GLIS3: variants seen among roughly 807,000 people sequenced by gnomAD.
GLIS3 encodes the protein GLIS family zinc finger 3.
Under a neutral mutation model 78.6 loss-of-function variants are expected in GLIS3, and 53 were observed. The ratio of observed to expected loss-of-function variants is 0.67; its 90% CI spans 0.54 to 0.85. The LOEUF (loss-of-function observed/expected upper bound fraction) is 0.85, where lower values mean the gene tolerates loss of function less well. Among genes scored for constraint, GLIS3 ranks in the 40% least tolerant of loss-of-function variants. The pLI is 0.00. For missense variants in GLIS3, 1,703 were observed against 1,231.1 expected, an observed-to-expected ratio of 1.38 and a Z score of -5.74; for synonymous variants, 684 against 509.9, an observed-to-expected ratio of 1.34 and a Z score of -4.60.
intron 7 of GLIS3, among the ~76,000 whole-genome samples, chr9:3,883,826 T>G (rs1163476390): frequency 2.0e-5 from 3 of 152,248 alleles, no homozygotes; most frequent in Admixed American, 6.5e-5. Context: ...TTGGAAATTC[T>G]TATTGCTTTT....
chr9:4,270,929 GTGTGTA>G (rs141098706), intron 2 of GLIS3, among the ~76,000 whole-genome samples: 14,238 of 92,630 alleles, frequency 0.15, 848 homozygotes, highest in South Asian at 0.36. Context: ...GTGTGTGTGT[GTGTGTA>G]TACACAACTG....
intron 2 of GLIS3, among the ~76,000 whole-genome samples, chr9:4,149,291 A>G (rs1834483527): frequency 6.6e-6 from 1 of 152,190 alleles, no homozygotes; most frequent in Admixed American, 6.5e-5. Context: ...TTACCATCCC[A>G]TTTCACAGGG....
chr9:3,927,280 G>A (rs900661334), intron 6 of GLIS3, among the ~76,000 whole-genome samples: 3 of 152,184 alleles, frequency 2.0e-5, no homozygotes, highest in Admixed American at 2.0e-4. Context: ...CAATGTAGTA[G>A]AAGAGTAGTT....
intron 7 of GLIS3, among the ~76,000 whole-genome samples, chr9:3,889,958 T>C (rs1360075310): frequency 1.3e-5 from 2 of 152,142 alleles, no homozygotes; most frequent in Admixed American, 6.6e-5. Context: ...GTTTTTGAAA[T>C]ATGAAAACTA....
chr9:4,102,469 T>C (rs535241153), intron 4 of GLIS3, among the ~76,000 whole-genome samples: 1 of 152,314 alleles, frequency 6.6e-6, no homozygotes, highest in East Asian at 1.9e-4. Context: ...AGGGGCAGTT[T>C]TTCTCCACAG....
intron 4 of GLIS3, chr9:3,975,295 G>A (rs988877751): frequency 6.6e-6 from 1 of 152,100 alleles, no homozygotes; most frequent in African/African-American, 2.4e-5. Context: ...CTCCCAGGGG[G>A]GCACAGGAAT....
intron 4 of GLIS3, among the ~76,000 whole-genome samples, chr9:4,306,950 A>T (rs2130510554): frequency 6.6e-6 from 1 of 152,388 alleles, no homozygotes; most frequent in Admixed American, 6.5e-5. Flanking sequence ...AGATTGCGTA[A>T]GTCAGAAATG....
chr9:3,898,855 G>T lies in GLIS3; in HGVS notation c.1984-20C>A. 3 of 1,613,746 alleles carry T rather than the reference G, an allele frequency of 1.9e-6. No individual in the cohort carries two copies. The highest frequency in any genetic ancestry group is 2.5e-6 in the Non-Finnish European group (3 of 1,180,026). Reference sequence around the variant, plus strand: ...CCGCAACTAAGAGGACAAAACGGAAGAGACATCGATAAGGAGAGCCGGTCC... The same window carrying T: ...CCGCAACTAAGAGGACAAAACGGAATAGACATCGATAAGGAGAGCCGGTCC... On this transcript the variant is annotated intron_variant, in intron 6 of 10. Coordinates refer to ENST00000381971, the MANE Select transcript of GLIS3 (RefSeq NM_001042413.2).
chr9:4,087,775 C>A (rs1112485), intron 4 of GLIS3, among the ~76,000 whole-genome samples: 41,155 of 151,992 alleles, frequency 0.27, 6,621 homozygotes, highest in Non-Finnish European at 0.35. Flanking sequence ...GGGTAAGGTA[C>A]CAATCCTGCT....
the GLIS3 span, among the ~76,000 whole-genome samples, chr9:4,467,980 T>G: frequency 6.6e-6 from 1 of 152,168 alleles, no homozygotes; most frequent in Non-Finnish European, 1.5e-5. Context: ...GCATGAGAAC[T>G]ACGTGACACA....
intron 4 of GLIS3, among the ~76,000 whole-genome samples, chr9:3,955,066 GA>G (rs1817005220): frequency 6.6e-6 from 1 of 152,220 alleles, no homozygotes; most frequent in African/African-American, 2.4e-5. Flanking sequence ...GGGACAAGGG[GA>G]CAGGCTGGGG....
chr9:3,846,523 G>T (rs115904080), intron 9 of GLIS3, among the ~76,000 whole-genome samples: 466 of 152,272 alleles, frequency 3.1e-3, no homozygotes, highest in African/African-American at 0.011. Flanking sequence ...TCTGAAACAG[G>T]GGTGTCAGTA....
At chr9:4,386,033 T>G in the GLIS3 span, among the ~76,000 whole-genome samples, 5 of 152,236 alleles carry the variant, frequency 3.3e-5, no homozygotes, top group Non-Finnish European at 5.9e-5. Flanking sequence ...TCATCACTCA[T>G]GGCCAACCAG....
the GLIS3 span, among the ~76,000 whole-genome samples, chr9:4,485,997 C>G: frequency 1.3e-5 from 2 of 152,342 alleles, no homozygotes; most frequent in African/African-American, 4.8e-5. Context: ...GGTGGGATTA[C>G]AGGCGTGAGC....
At chr9:3,891,629 G>T (rs1019724381) in intron 7 of GLIS3, among the ~76,000 whole-genome samples, 1 of 152,148 alleles carries the variant, frequency 6.6e-6, no homozygotes, top group Admixed American at 6.5e-5. Flanking sequence ...TTGAGCCCAG[G>T]GGTTCAAGGT....
chr9:3,956,290 T>C (rs1817107889), intron 4 of GLIS3, among the ~76,000 whole-genome samples: 1 of 152,094 alleles, frequency 6.6e-6, no homozygotes, highest in African/African-American at 2.4e-5. Context: ...AAAAATAAGC[T>C]AGGGGAACAA....
chr9:4,096,644 A>C (rs982929254), intron 4 of GLIS3, among the ~76,000 whole-genome samples: 3 of 152,182 alleles, frequency 2.0e-5, no homozygotes, highest in Admixed American at 6.5e-5. Flanking sequence ...GATGTGATCC[A>C]GTCTTCTAAA....
intron 6 of GLIS3, among the ~76,000 whole-genome samples, chr9:3,921,137 G>A (rs768976949): frequency 6.6e-6 from 1 of 152,180 alleles, no homozygotes; most frequent in Admixed American, 6.5e-5. Context: ...TTCAAGATAA[G>A]GTGTGTAGTA....
chr9:3,907,783 C>T (rs1477566201), intron 6 of GLIS3, among the ~76,000 whole-genome samples: 1 of 152,158 alleles, frequency 6.6e-6, no homozygotes, highest in Non-Finnish European at 1.5e-5. Context: ...TTTCCCCTTT[C>T]CCCATCCTCT....
Sources: gnomAD v4.1 joint callset for allele counts (sites outside exome capture counted in the v4.1 genomes callset) on GRCh38, gnomAD v4.1.1 for gene constraint, MANE v1.5 for transcripts, NCBI Gene and HGNC (gene_info 2026-07-23, HGNC 2026-07-21) for gene names.